CAMK4: variants seen among roughly 807,000 people sequenced by gnomAD.
CAMK4 encodes calcium/calmodulin dependent protein kinase IV.
CAMK4 carries 22 observed loss-of-function variants against 44.9 expected under a neutral mutation model. That is an observed-to-expected ratio of 0.49 (90% CI 0.35 to 0.70). The LOEUF (loss-of-function observed/expected upper bound fraction) is 0.70, where lower values mean the gene tolerates loss of function less well. CAMK4 is among the 30% of genes least tolerant of loss of function. The pLI is 0.01. For missense variants in CAMK4, 498 were observed against 586.8 expected (o/e 0.85, Z 1.56); for synonymous variants, 218 against 215.4 (o/e 1.01, Z -0.11).
chr5:111,476,261 G>A lies in CAMK4; in HGVS notation c.702-2120G>A, dbSNP rs558502337. Among the ~76,000 whole-genome samples the A allele has an allele frequency of 1.3e-3, 195 of 145,102 alleles. 3 individuals are homozygous for A. Among genetic ancestry groups the A allele is most frequent in the African/African-American group, 4.9e-3 (182 of 37,360 alleles). ...TCTTTGTGTGTGTGTGTGTGTGTGTGTGTGTGTGTTTGTGTGTGTGTGTGT... is the reference window on the plus strand; with the variant it reads ...TCTTTGTGTGTGTGTGTGTGTGTGTATGTGTGTGTTTGTGTGTGTGTGTGT... On this transcript the variant is annotated intron_variant, in intron 8 of 10. Transcript: ENST00000282356.
intron 1 of CAMK4, among the ~76,000 whole-genome samples, chr5:111,226,711 C>T (rs1401878455): frequency 6.6e-6 from 1 of 152,222 alleles, no homozygotes; most frequent in African/African-American, 2.4e-5. Flanking sequence ...CAACAGAGAA[C>T]ACTCTAGAGT....
intron 4 of CAMK4, among the ~76,000 whole-genome samples, chr5:111,385,838 G>A (rs1434055171): frequency 6.6e-6 from 1 of 152,074 alleles, no homozygotes; most frequent in Non-Finnish European, 1.5e-5. Flanking sequence ...CCCTCCCAAG[G>A]TGCTGGGATT....
chr5:111,472,663 C>T (rs1755105613), intron 7 of CAMK4, among the ~76,000 whole-genome samples: 1 of 152,198 alleles, frequency 6.6e-6, no homozygotes, highest in Non-Finnish European at 1.5e-5. Context: ...AGAACTAATA[C>T]AAGCTGCTTC....
At chr5:111,367,959 G>A (rs1020049309) in intron 2 of CAMK4, among the ~76,000 whole-genome samples, 4 of 151,998 alleles carry the variant, frequency 2.6e-5, no homozygotes, top group Non-Finnish European at 5.9e-5. Context: ...TTGTGTCTCC[G>A]ACCTTTCTGC....
intron 1 of CAMK4, among the ~76,000 whole-genome samples, chr5:111,272,253 C>G (rs1750550651): frequency 6.6e-6 from 1 of 152,150 alleles, no homozygotes; most frequent in Non-Finnish European, 1.5e-5. Context: ...GTTCACTAGC[C>G]AAATCTTTCT....
At chr5:111,417,508 G>A (rs758582153) in intron 5 of CAMK4, among the ~76,000 whole-genome samples, 22 of 151,596 alleles carry the variant, frequency 1.5e-4, no homozygotes, top group Non-Finnish European at 2.9e-4. Flanking sequence ...GAGTCACTGT[G>A]TCTGGCCCCA....
intron 5 of CAMK4, among the ~76,000 whole-genome samples, chr5:111,405,624 T>C (rs1752396232): frequency 6.6e-6 from 1 of 152,046 alleles, no homozygotes; most frequent in African/African-American, 2.4e-5. Context: ...TTCTTGAAAG[T>C]AAGGTACATA....
rs143253940 is a variant in CAMK4 at position 111,408,359 on chromosome 5, A to G, written c.459+13577A>G. Among the ~76,000 whole-genome samples, 791 of 152,274 alleles carry G rather than the reference A, an allele frequency of 5.2e-3. 8 individuals carry two copies. The highest frequency in any genetic ancestry group is 0.018 in the African/African-American group (730 of 41,546). ...ACCATCATGGCAGAAGGCAAAGGAG[A>G]AGCAAAGGCATGTCTTACATGGTGA... is the stretch of plus-strand genomic sequence containing the variant. On this transcript the variant is annotated intron_variant, in intron 5 of 10. Coordinates refer to ENST00000282356, the MANE Select transcript of CAMK4 (RefSeq NM_001744.6).
intron 5 of CAMK4, among the ~76,000 whole-genome samples, chr5:111,408,574 C>T (rs1195577086): frequency 1.3e-5 from 2 of 152,064 alleles, no homozygotes; most frequent in Non-Finnish European, 2.9e-5. Flanking sequence ...GCCCCTGACC[C>T]CTCCTAAATC....
intron 5 of CAMK4, among the ~76,000 whole-genome samples, chr5:111,404,999 T>G (rs536739852): frequency 6.6e-6 from 1 of 152,178 alleles, no homozygotes; most frequent in South Asian, 2.1e-4. Flanking sequence ...GATACAGAGG[T>G]CAAGAAATTC....
In CAMK4 at chr5:111,348,613, A is replaced by G. The variant is rs116629344; in HGVS notation, c.240+4511A>G. Among the ~76,000 whole-genome samples, 1,262 of 152,120 alleles carry G rather than the reference A, an allele frequency of 8.3e-3. 9 individuals carry two copies. Among genetic ancestry groups the G allele is most frequent in the African/African-American group, 0.022 (908 of 41,552 alleles). On this transcript the variant is annotated intron_variant, in intron 2 of 10. Transcript: ENST00000282356. ...ATCAGCCAGCATCATAAAGTCTGCAATTTACTTTCAAATGGTTAAACAACA... is the reference window on the plus strand; with the variant it reads ...ATCAGCCAGCATCATAAAGTCTGCAGTTTACTTTCAAATGGTTAAACAACA...
chr5:111,353,464 G>T (rs192658177), intron 2 of CAMK4, among the ~76,000 whole-genome samples: 1 of 152,190 alleles, frequency 6.6e-6, no homozygotes, highest in East Asian at 1.9e-4. Flanking sequence ...AAAGTAGCTA[G>T]ATGTGTCAAC....
intron 7 of CAMK4, among the ~76,000 whole-genome samples, chr5:111,451,077 A>G (rs1754215579): frequency 6.6e-6 from 1 of 152,116 alleles, no homozygotes; most frequent in Non-Finnish European, 1.5e-5. Flanking sequence ...AAATCCATAG[A>G]ATTTTAGTGC....
intron 1 of CAMK4, among the ~76,000 whole-genome samples, chr5:111,237,528 T>TA (rs35530969): frequency 2.0e-5 from 3 of 152,186 alleles, no homozygotes; most frequent in Non-Finnish European, 4.4e-5. Context: ...GCATCACCTT[T>TA]AAAAAATGTA....
At chr5:111,291,407 T>G (rs1282124849) in intron 1 of CAMK4, among the ~76,000 whole-genome samples, 1 of 152,224 alleles carries the variant, frequency 6.6e-6, no homozygotes, top group African/African-American at 2.4e-5. Context: ...ACTTCATTGC[T>G]TTTCTTTAAA....
chr5:111,473,120 A>C lies in CAMK4; in HGVS notation c.626-191A>C, dbSNP rs549756927. 1.4e-3 allele frequency among the ~76,000 whole-genome samples: 210 copies of C among 152,258 alleles called. 1 individual carries two copies. Among genetic ancestry groups the C allele is most frequent in the African/African-American group, 4.9e-3 (202 of 41,556 alleles). The stretch of plus-strand genomic sequence containing the variant: ...TGTTATTTTATGCATCCCAAAACAG[A>C]TAGACTATAATCTCTCCTACTAAAA... On this transcript the variant is annotated intron_variant, in intron 7 of 10. Transcript: ENST00000282356.
chr5:111,432,012 C>CT (rs1382804316), intron 5 of CAMK4, among the ~76,000 whole-genome samples: 2 of 152,088 alleles, frequency 1.3e-5, no homozygotes, highest in Non-Finnish European at 2.9e-5. Context: ...GGTATGTACC[C>CT]TAAAGAAAGG....
rs767617440 is a variant in CAMK4 at position 111,224,434 on chromosome 5, C to T, written c.-50C>T. On this transcript the variant is annotated 5_prime_UTR_variant, in exon 1 of 11. Coordinates refer to ENST00000282356, the MANE Select transcript of CAMK4 (RefSeq NM_001744.6). This position sits in a 1 kb window ranked among gnomAD's most constrained non-coding sequence, Gnocchi z 5.7. ...GGCGGCTGGCGGCCGGCTTCTCGCT[C>T]GGGCAGCGGCGGCGGCGGCGGCGGC... The T allele has an allele frequency of 1.9e-4, 289 of 1,530,048 alleles. No individual in the cohort carries two copies. Among genetic ancestry groups the T allele is most frequent in the Non-Finnish European group, 2.3e-4 (267 of 1,141,832 alleles). The allele number at this position is 1,530,048 out of a possible 1,614,324, so 94.8% of individuals were successfully genotyped here. A position where few individuals can be genotyped will look rare whatever the true frequency, so the allele number is the denominator to read the frequency against.
Position 111,464,309 on chromosome 5 carries a change from G to T in CAMK4, c.626-9002G>T, listed in dbSNP as rs1188912836. ...GACGAAAAAAAGAATTTAAAAAAAT[G>T]AAAAAAGCCTCCAAGAGGTTTGGGG... On this transcript the variant is annotated intron_variant, in intron 7 of 10. Transcript: ENST00000282356. 4.0e-5 allele frequency among the ~76,000 whole-genome samples: 6 copies of T among 151,858 alleles called. No individual in the cohort carries two copies. In the South Asian group the frequency reaches 1.0e-3, roughly 26 times the overall value.
Sources: allele counts gnomAD v4.1 joint callset (sites outside exome capture counted in the v4.1 genomes callset), GRCh38; gene constraint gnomAD v4.1.1; non-coding constraint Gnocchi (gnomAD v3.1); transcripts MANE v1.5; gene names NCBI Gene and HGNC (gene_info 2026-07-23, HGNC 2026-07-21).